Variants in FRMPD3 observed in about 807,000 individuals in gnomAD.
FRMPD3 encodes the protein FERM and PDZ domain-containing protein 3.
In FRMPD3, 42 loss-of-function variants were observed where a neutral mutation model predicts 97.9. The observed-to-expected ratio is 0.43, with a 90% CI of 0.34 to 0.55. FRMPD3 has a LOEUF of 0.55. FRMPD3 is among the 20% of genes least tolerant of loss of function. The probability of loss-of-function intolerance (pLI) is 0.03; values close to 1 mark genes in which losing one functional copy is unlikely to be tolerated. For synonymous variants in FRMPD3, 577 were observed against 581.1 expected (o/e 0.99, Z 0.10); for missense variants, 1,303 against 1,457.7 (o/e 0.89, Z 1.73).
chrX:107,473,004 C>T (rs755513533), intron 1 of FRMPD3, among the ~76,000 whole-genome samples: 1 of 112,601 alleles, frequency 8.9e-6, no homozygotes, highest in South Asian at 3.7e-4. Context: ...GGGCAGGTCT[C>T]TCCTGGAACA....
chrX:107,528,420 G>A (rs1237720462), intron 2 of FRMPD3, among the ~76,000 whole-genome samples: 3 of 111,249 alleles, frequency 2.7e-5, no homozygotes, highest in African/African-American at 6.5e-5. Context: ...TCTGTTAGAC[G>A]GAAGAAAGGG....
In FRMPD3 at chrX:107,602,358, G is replaced by T; in HGVS notation, c.4319G>T (p.Ser1440Ile). 1 of 1,210,622 alleles carries T rather than the reference G, an allele frequency of 8.3e-7. No individual in the cohort carries two copies. The highest frequency in any genetic ancestry group is 1.1e-6 in the Non-Finnish European group (1 of 895,247). The change falls in exon 15 of 15, where the codon AGC becomes ATC. Residue 1440 changes from serine to isoleucine, a missense_variant. By Grantham distance (142) the Ser-to-Ile change is moderately radical (BLOSUM62 -2). Transcript: ENST00000683843. ...ASLPIALGPK[S>I]RSLESPTLGD... The stretch of plus-strand genomic sequence containing the variant: ...CTCCCCATAGCCTTGGGTCCCAAAA[G>T]CAGGTCTCTGGAGTCACCGACGCTG...
chrX:107,506,247 G>A (rs766760338), intron 1 of FRMPD3, among the ~76,000 whole-genome samples: 3 of 112,412 alleles, frequency 2.7e-5, no homozygotes, highest in Non-Finnish European at 5.6e-5. Flanking sequence ...AGGCACTGCA[G>A]TCAGGATCCT....
chrX:107,531,036 C>T (rs1373577693), intron 3 of FRMPD3, among the ~76,000 whole-genome samples: 1 of 109,739 alleles, frequency 9.1e-6, no homozygotes, highest in Non-Finnish European at 1.9e-5. Flanking sequence ...ACAAAAGGAA[C>T]ATTGTGGGAT....
chrX:107,521,146 T>TG (rs1922495292), intron 1 of FRMPD3, among the ~76,000 whole-genome samples: 1 of 112,319 alleles, frequency 8.9e-6, no homozygotes, highest in African/African-American at 3.2e-5. Context: ...GAGCCCTCCC[T>TG]GTTCTCTCCT....
At chrX:107,574,248 T>C (rs1458283124) in intron 12 of FRMPD3, among the ~76,000 whole-genome samples, 2 of 108,521 alleles carry the variant, frequency 1.8e-5, no homozygotes, top group East Asian at 5.8e-4. Context: ...AAGACCAACC[T>C]GGGCAACATA....
intron 12 of FRMPD3, among the ~76,000 whole-genome samples, chrX:107,570,299 C>T (rs1384808791): frequency 9.8e-6 from 1 of 101,633 alleles, no homozygotes; most frequent in Non-Finnish European, 1.9e-5. Flanking sequence ...ACTGTCTGAA[C>T]ATCCTTAACA....
At chrX:107,596,640 T>C (rs1246355674) in intron 13 of FRMPD3, among the ~76,000 whole-genome samples, 1 of 111,874 alleles carries the variant, frequency 8.9e-6, no homozygotes, top group African/African-American at 3.2e-5. Flanking sequence ...ATTTGAAGAA[T>C]TATAAGAATG....
intron 1 of FRMPD3, among the ~76,000 whole-genome samples, chrX:107,452,049 T>C (rs1260720012): frequency 8.9e-6 from 1 of 111,923 alleles, no homozygotes; most frequent in African/African-American, 3.3e-5. Context: ...GCCAAGGTGT[T>C]AATAGCTGAT....
intron 1 of FRMPD3, among the ~76,000 whole-genome samples, chrX:107,513,583 T>C (rs1364132694): frequency 7.1e-5 from 8 of 112,121 alleles, no homozygotes; most frequent in Admixed American, 2.8e-4. Context: ...TAGCCCTCCC[T>C]GTACTCTTTC....
intron 1 of FRMPD3, among the ~76,000 whole-genome samples, chrX:107,478,611 T>A (rs753778252): frequency 8.9e-6 from 1 of 111,863 alleles, no homozygotes; most frequent in South Asian, 3.8e-4. Context: ...TACTAAATGT[T>A]CGTCTCCTCG....
intron 5 of FRMPD3, among the ~76,000 whole-genome samples, chrX:107,546,981 C>A (rs892956605): frequency 3.6e-5 from 4 of 111,932 alleles, no homozygotes; most frequent in Admixed American, 1.9e-4. Context: ...ATGCCCTCCT[C>A]CATCTCTGCA....
intron 1 of FRMPD3, among the ~76,000 whole-genome samples, chrX:107,458,529 G>A (rs1931415038): frequency 9.0e-6 from 1 of 111,374 alleles, no homozygotes; most frequent in Non-Finnish European, 1.9e-5. Context: ...CTGAGGGGGA[G>A]GCACAGCATA....
intron 13 of FRMPD3, among the ~76,000 whole-genome samples, chrX:107,582,132 A>G (rs186406547): frequency 2.8e-3 from 310 of 111,101 alleles, no homozygotes; most frequent in African/African-American, 9.8e-3. Flanking sequence ...TCCATCAGCA[A>G]TATTGGAGGG....
chrX:107,557,688 TG>T (rs1922138638), intron 8 of FRMPD3, among the ~76,000 whole-genome samples: 7 of 99,342 alleles, frequency 7.0e-5, no homozygotes, highest in South Asian at 9.6e-4. Context: ...TGTGTGTGTG[TG>T]TGTGTTTTTT....
intron 1 of FRMPD3, chrX:107,522,540 C>T (rs1040697636): frequency 2.0e-6 from 1 of 494,196 alleles, no homozygotes; most frequent in Non-Finnish European, 3.6e-6. Context: ...AGAGATGTGG[C>T]CCCAGCTGGG....
In FRMPD3 at chrX:107,602,060, G is replaced by A. The variant is rs1269277524; in HGVS notation, c.4021G>A (p.Val1341Met). 4 of 1,196,492 alleles carry A rather than the reference G, an allele frequency of 3.3e-6. No homozygotes were observed. Among genetic ancestry groups the A allele is most frequent in the Middle Eastern group, 2.3e-4 (1 of 4,276 alleles). Residue 1341 changes from valine to methionine, a missense_variant, in exon 15 of 15, where the codon GTG (valine) becomes ATG (methionine). Physicochemically the swap from Val to Met is conservative, Grantham distance 21. Around this residue, in one of 3 missense-constraint regions of FRMPD3, gnomAD observed 764 missense variants for 820.2 expected, o/e 0.93. Coordinates refer to ENST00000683843, the MANE Select transcript of FRMPD3 (RefSeq NM_001388459.1). The stretch of plus-strand genomic sequence containing the variant: ...GAGGCAGCCAGAGGCTGGCCCAGGC[G>A]TGAGCCTCAGCAGCCCCATCAATGT... Reference protein sequence around the residue: ...SQRQPEAGPGVSLSSPINVQR... With the variant: ...SQRQPEAGPGMSLSSPINVQR...
chrX:107,555,883 A>G (rs1169836301), intron 8 of FRMPD3, among the ~76,000 whole-genome samples: 1 of 111,854 alleles, frequency 8.9e-6, no homozygotes, highest in Non-Finnish European at 1.9e-5. Flanking sequence ...AGAAGAAATG[A>G]CAAGGGCTAG....
chrX:107,597,537 T>C lies in FRMPD3; in HGVS notation c.1658T>C (p.Phe553Ser), dbSNP rs749305671. 1 of 1,208,693 alleles carries C rather than the reference T, an allele frequency of 8.3e-7. No homozygotes were observed. Among genetic ancestry groups the C allele is most frequent in the African/African-American group, 1.8e-5 (1 of 57,067 alleles). ...RTDVNENLIF[F>S]EETRPRTKSD... ...GATGTCAACGAGAACCTAATCTTCT[T>C]TGAGGAGACCAGGCCCCGAACCAAG... The change falls in exon 14 of 15, where the codon TTT becomes TCT. Residue 553 changes from phenylalanine (F) to serine (S), a missense_variant. Transcript: ENST00000683843.
Sources: gnomAD v4.1 joint callset for allele counts (sites outside exome capture counted in the v4.1 genomes callset) on GRCh38, gnomAD v4.1.1 for gene constraint, gnomAD v4.1.1 regional missense constraint, MANE v1.5 for transcripts, NCBI Gene and HGNC (gene_info 2026-07-23, HGNC 2026-07-21) for gene names.